Variants in TGFA observed in about 807,000 individuals in gnomAD.
TGFA encodes the protein protransforming growth factor alpha.
In TGFA, 12 loss-of-function variants were observed where a neutral mutation model predicts 21.7. That is an observed-to-expected ratio of 0.55 (90% CI 0.35 to 0.90). The LOEUF is 0.90. Ranked by LOEUF, TGFA falls within the 40% of genes least tolerant of loss-of-function variation. The probability of loss-of-function intolerance (pLI) is 0.01; values close to 1 mark genes in which losing one functional copy is unlikely to be tolerated. For missense variants in TGFA, 178 were observed against 210.8 expected (o/e 0.84, Z 0.96); for synonymous variants, 79 against 88.1 (o/e 0.90, Z 0.58).
chr2:70,453,340 A>T lies in TGFA; in HGVS notation c.366-13T>A. ...GACCTGGCAGCAGCTGCAAAGACACAGAGGACCCAGTCTGGGCAGGAGCCT... is the reference window on the plus strand; with the variant it reads ...GACCTGGCAGCAGCTGCAAAGACACTGAGGACCCAGTCTGGGCAGGAGCCT... On this transcript the variant is annotated splice_polypyrimidine_tract_variant and intron_variant, in intron 4 of 5. Transcript: ENST00000295400. 3 of 1,611,742 alleles carry T rather than the reference A, an allele frequency of 1.9e-6. No individual in the cohort carries two copies. The highest frequency in any genetic ancestry group is 2.5e-6 in the Non-Finnish European group (3 of 1,178,756).
intron 3 of TGFA, among the ~76,000 whole-genome samples, chr2:70,463,112 C>T (rs544676696): frequency 1.3e-5 from 2 of 152,166 alleles, no homozygotes; most frequent in African/African-American, 2.4e-5. Context: ...CCACCTCTGC[C>T]GGTTACTAGC....
At chr2:70,506,104 A>C (rs1319941056) in intron 2 of TGFA, among the ~76,000 whole-genome samples, 1 of 152,208 alleles carries the variant, frequency 6.6e-6, no homozygotes, top group Non-Finnish European at 1.5e-5. Context: ...TTTCACCAGA[A>C]AGCCACCGTG....
At chr2:70,529,233 T>C (rs1187894887) in intron 1 of TGFA, among the ~76,000 whole-genome samples, 1 of 152,204 alleles carries the variant, frequency 6.6e-6, no homozygotes, top group African/African-American at 2.4e-5. Context: ...AAGAATTGTT[T>C]CTTTTCAAGC....
intron 2 of TGFA, among the ~76,000 whole-genome samples, chr2:70,471,187 C>T (rs1429180388): frequency 6.7e-6 from 1 of 150,184 alleles, no homozygotes; most frequent in Non-Finnish European, 1.5e-5. Context: ...AGGGTGCTGT[C>T]CTGCCCCCAC....
chr2:70,455,208 C>T (rs751189184), intron 4 of TGFA, among the ~76,000 whole-genome samples: 49 of 151,560 alleles, frequency 3.2e-4, no homozygotes, highest in Non-Finnish European at 6.3e-4. Flanking sequence ...CCACTCAGTG[C>T]TGCCTTGGTC....
intron 2 of TGFA, among the ~76,000 whole-genome samples, chr2:70,469,106 C>T (rs1670658911): frequency 6.6e-6 from 1 of 152,112 alleles, no homozygotes; most frequent in African/African-American, 2.4e-5. Flanking sequence ...TTTGTCAGGG[C>T]TTTGGGCTGG....
rs188880162 is a variant in TGFA at position 70,525,076 on chromosome 2, G to T, written c.41-10164C>A. On this transcript the variant is annotated intron_variant, in intron 1 of 5. Transcript: ENST00000295400. ...CTCAGCTCAGTCAAAGCCATGTGTG[G>T]GCATCATTCACACAAGTGGCTTGAA... 6.6e-5 allele frequency among the ~76,000 whole-genome samples: 10 copies of T among 152,290 alleles called. No individual in the cohort carries two copies. The East Asian group carries it at 1.7e-3, about 26-fold the overall frequency.
chr2:70,460,590 A>T (rs927690922), intron 3 of TGFA, among the ~76,000 whole-genome samples: 1 of 152,176 alleles, frequency 6.6e-6, no homozygotes, highest in Non-Finnish European at 1.5e-5. Context: ...CAGTGGGTGC[A>T]CTAGGACCAA....
At chr2:70,485,440 G>T (rs1671243088) in intron 2 of TGFA, among the ~76,000 whole-genome samples, 1 of 152,182 alleles carries the variant, frequency 6.6e-6, no homozygotes, top group Non-Finnish European at 1.5e-5. Flanking sequence ...GTTTCACCAT[G>T]TTGGCCAGGC....
At chr2:70,520,506 T>C in intron 1 of TGFA, among the ~76,000 whole-genome samples, 1 of 150,464 alleles carries the variant, frequency 6.6e-6, no homozygotes, top group South Asian at 2.1e-4. Context: ...AGAGCGAGAC[T>C]CCCACTCCAA....
intron 2 of TGFA, among the ~76,000 whole-genome samples, chr2:70,481,913 A>C (rs1553495611): frequency 1.3e-5 from 2 of 152,176 alleles, no homozygotes. Context: ...AACCTCAATG[A>C]GAGACCCTGA....
intron 3 of TGFA, among the ~76,000 whole-genome samples, chr2:70,465,397 TTC>T (rs1285415924): frequency 6.6e-6 from 1 of 152,080 alleles, no homozygotes; most frequent in Non-Finnish European, 1.5e-5. Context: ...CTTCCCGGGG[TTC>T]TGCCTCAGTG....
chr2:70,451,891 T>C, intron 5 of TGFA: 1 of 625,246 alleles, frequency 1.6e-6, no homozygotes, highest in Non-Finnish European at 2.8e-6. Context: ...AGCCATCCTC[T>C]TCCTAAGACC....
rs375890397 is a variant in TGFA at position 70,534,673 on chromosome 2, G to GA, written c.40+19054dup. On this transcript the variant is annotated intron_variant, in intron 1 of 5. Coordinates refer to ENST00000295400, the MANE Select transcript of TGFA (RefSeq NM_003236.4). ...TACCTGAACTGTTGACTGAAGGAGG[G>GA]AAAAAACCACTCTACCATACTTGTT... Among the ~76,000 whole-genome samples, 602 of 150,120 alleles carry GA rather than the reference G, an allele frequency of 4.0e-3. 3 individuals are homozygous for GA. Among genetic ancestry groups the GA allele is most frequent in the African/African-American group, 0.014 (561 of 40,030 alleles).
intron 2 of TGFA, among the ~76,000 whole-genome samples, chr2:70,493,259 C>T (rs1671486824): frequency 6.6e-6 from 1 of 152,204 alleles, no homozygotes; most frequent in Non-Finnish European, 1.5e-5. Flanking sequence ...GGCCAGAGAG[C>T]ATGTGAGGAG....
At chr2:70,504,479 T>TATATAC (rs1553499809) in intron 2 of TGFA, among the ~76,000 whole-genome samples, 9 of 87,260 alleles carry the variant, frequency 1.0e-4, no homozygotes, top group African/African-American at 4.9e-4. Flanking sequence ...CATACATACA[T>TATATAC]ACATACACAC....
chr2:70,527,089 T>C (rs1672660392), intron 1 of TGFA, among the ~76,000 whole-genome samples: 1 of 152,248 alleles, frequency 6.6e-6, no homozygotes, highest in Non-Finnish European at 1.5e-5. Flanking sequence ...CCAGCAATAG[T>C]GCTCCTTGGT....
At chr2:70,468,800 G>T (rs1342726749) in intron 2 of TGFA, among the ~76,000 whole-genome samples, 1 of 152,184 alleles carries the variant, frequency 6.6e-6, no homozygotes, top group East Asian at 1.9e-4. Flanking sequence ...CAAGCCCAGG[G>T]CTCCTCCCGA....
chr2:70,542,579 T>G (rs1553505313), intron 1 of TGFA, among the ~76,000 whole-genome samples: 1 of 152,228 alleles, frequency 6.6e-6, no homozygotes, highest in East Asian at 1.9e-4. Context: ...AAGCATTGGT[T>G]GTGCACCTAA....
Sources: gnomAD v4.1 joint callset for allele counts (sites outside exome capture counted in the v4.1 genomes callset) on GRCh38, gnomAD v4.1.1 for gene constraint, MANE v1.5 for transcripts, NCBI Gene and HGNC (gene_info 2026-07-23, HGNC 2026-07-21) for gene names.